POFUT3: variants seen among roughly 807,000 people sequenced by gnomAD.
The protein encoded by POFUT3 is protein O-fucosyltransferase 3, also known as GDP-fucose protein O-fucosyltransferase 3.
At chr8:33,328,759 T>C in the POFUT3 span, among the ~76,000 whole-genome samples, 40,525 of 151,938 alleles carry the variant, frequency 0.27, 5,824 homozygotes, top group South Asian at 0.5. Flanking sequence ...CAGAGAGATG[T>C]AGAACACTGG....
the POFUT3 span, among the ~76,000 whole-genome samples, chr8:33,344,182 GTTTTGTGTGCCT>G: frequency 1.3e-5 from 2 of 152,112 alleles, no homozygotes; most frequent in Admixed American, 1.3e-4. Flanking sequence ...GTTAAAATAA[GTTTTGTGTGCCT>G]TTTTCTCCTA....
chr8:33,460,782 A>G, the POFUT3 span: 2 of 984,658 alleles, frequency 2.0e-6, no homozygotes, highest in Middle Eastern at 5.2e-4. Context: ...CTGTTTAAAA[A>G]AGGGGGGCAG....
the POFUT3 span, chr8:33,460,727 C>A: frequency 1.0e-6 from 1 of 985,288 alleles, no homozygotes; most frequent in Non-Finnish European, 1.2e-6. Context: ...ATTTCAATGA[C>A]TTTGTTTCTG....
At chr8:33,344,676 G>A in the POFUT3 span, among the ~76,000 whole-genome samples, 2 of 152,334 alleles carry the variant, frequency 1.3e-5, no homozygotes, top group Non-Finnish European at 2.9e-5. Flanking sequence ...AAACACAGAC[G>A]AAGGTTGTGA....
the POFUT3 span, among the ~76,000 whole-genome samples, chr8:33,404,373 G>C: frequency 6.6e-6 from 1 of 150,872 alleles, no homozygotes; most frequent in Non-Finnish European, 1.5e-5. Context: ...AAGAAAATTC[G>C]GGTTCTCAGA....
the POFUT3 span, among the ~76,000 whole-genome samples, chr8:33,446,507 G>T: frequency 3.3e-5 from 5 of 151,728 alleles, no homozygotes; most frequent in Non-Finnish European, 7.4e-5. Flanking sequence ...CTGGCACAGA[G>T]TAGGTACCAA....
At chr8:33,472,309 C>T in the POFUT3 span, among the ~76,000 whole-genome samples, 2 of 152,068 alleles carry the variant, frequency 1.3e-5, no homozygotes, top group Non-Finnish European at 2.9e-5. Flanking sequence ...CTGTTGGGGC[C>T]GTGGTGTTAG....
the POFUT3 span, among the ~76,000 whole-genome samples, chr8:33,328,732 G>T: frequency 6.6e-6 from 1 of 152,124 alleles, no homozygotes; most frequent in African/African-American, 2.4e-5. Flanking sequence ...GCCCAAACAT[G>T]AACCAATTGT....
chr8:33,369,445 AAAAG>A, the POFUT3 span, among the ~76,000 whole-genome samples: 12 of 152,208 alleles, frequency 7.9e-5, no homozygotes, highest in Non-Finnish European at 1.3e-4. Context: ...AATAAAAATT[AAAAG>A]AAAGAAATTT....
the POFUT3 span, among the ~76,000 whole-genome samples, chr8:33,468,773 T>C: frequency 6.6e-6 from 1 of 152,220 alleles, no homozygotes; most frequent in Non-Finnish European, 1.5e-5. Flanking sequence ...GAGATGTCCC[T>C]AGAGTGTTGA....
the POFUT3 span, among the ~76,000 whole-genome samples, chr8:33,310,126 C>G: frequency 6.6e-6 from 1 of 152,136 alleles, no homozygotes; most frequent in Admixed American, 6.6e-5. Flanking sequence ...AAAATCTGAT[C>G]TGACTTCTAT....
At chr8:33,330,620 A>G in the POFUT3 span, among the ~76,000 whole-genome samples, 1 of 152,186 alleles carries the variant, frequency 6.6e-6, no homozygotes, top group Non-Finnish European at 1.5e-5. Context: ...TCTACCACTA[A>G]CAACCTCTGT....
At chr8:33,446,644 A>C in the POFUT3 span, among the ~76,000 whole-genome samples, 1 of 152,142 alleles carries the variant, frequency 6.6e-6, no homozygotes, top group Non-Finnish European at 1.5e-5. Context: ...AAGCAACCTC[A>C]TGATTCTAAT....
At chr8:33,449,106 T>C in the POFUT3 span, among the ~76,000 whole-genome samples, 27 of 152,196 alleles carry the variant, frequency 1.8e-4, no homozygotes, top group East Asian at 1.4e-3. Flanking sequence ...CCAAACGCCA[T>C]AGCTGCCTTA....
the POFUT3 span, among the ~76,000 whole-genome samples, chr8:33,437,091 A>G: frequency 6.6e-6 from 1 of 152,304 alleles, no homozygotes; most frequent in African/African-American, 2.4e-5. Flanking sequence ...TGTGGAGGAC[A>G]TGATTTTGCT....
At chr8:33,386,671 G>A in the POFUT3 span, among the ~76,000 whole-genome samples, 11 of 152,040 alleles carry the variant, frequency 7.2e-5, no homozygotes, top group African/African-American at 1.4e-4. Context: ...TTAGCCAGGC[G>A]TGGTGGCGGG....
At chr8:33,443,683 G>A in the POFUT3 span, among the ~76,000 whole-genome samples, 1 of 152,052 alleles carries the variant, frequency 6.6e-6, no homozygotes, top group Non-Finnish European at 1.5e-5. Context: ...TAGTAGAGAT[G>A]GGGTTTTGCC....
the POFUT3 span, among the ~76,000 whole-genome samples, chr8:33,317,404 T>G: frequency 6.7e-6 from 1 of 148,980 alleles, no homozygotes. Flanking sequence ...CGTTCCTTTC[T>G]GCTGACCCCA....
chr8:33,334,871 G>A, the POFUT3 span, among the ~76,000 whole-genome samples: 5 of 152,280 alleles, frequency 3.3e-5, no homozygotes, highest in East Asian at 9.7e-4. Flanking sequence ...TCCTCTGGGA[G>A]GCATAAGGTG....
Sources: allele counts gnomAD v4.1 joint callset (sites outside exome capture counted in the v4.1 genomes callset), GRCh38; gene constraint gnomAD v4.1.1; transcripts MANE v1.5; gene names NCBI Gene and HGNC (gene_info 2026-07-23, HGNC 2026-07-21).